The following C8orf76 variants were observed in gnomAD, a reference collection of about 807,000 sequenced individuals.
C8orf76 encodes the protein uncharacterized protein C8orf76.
Under a neutral mutation model 38.1 loss-of-function variants are expected in C8orf76, and 46 were observed. The ratio of observed to expected loss-of-function variants is 1.21; its 90% CI spans 0.95 to 1.54. C8orf76 has a LOEUF of 1.54. Among genes scored for constraint, C8orf76 ranks in the 40% most tolerant of loss-of-function variants. The pLI is 0.00. For missense variants in C8orf76, 461 were observed against 441.6 expected (o/e 1.04, Z -0.39); for synonymous variants, 166 against 167.5 (o/e 0.99, Z 0.07).
In C8orf76 at chr8:123,231,677, C is replaced by A. The variant is rs1825276038; in HGVS notation, c.438G>T (p.Leu146Phe). ...TCTGCAGGCAGAAAATTGTTTTCTC[C>A]AAGTTCTGCAAACTTGAACAAATAG... The part of the protein sequence containing the change: ...QLAICSSLQN[L>F]EKTIFCLQKL... The change falls in exon 4 of 6, where the codon TTG (leucine) becomes TTT (phenylalanine). Residue 146 changes from leucine (L) to phenylalanine (F), a missense_variant. By Grantham distance (22) the Leu-to-Phe change is conservative. Coordinates refer to ENST00000276704, the MANE Select transcript of C8orf76 (RefSeq NM_032847.3). 1 of 1,613,748 alleles carries A rather than the reference C, an allele frequency of 6.2e-7. No homozygotes were observed. Among genetic ancestry groups the A allele is most frequent in the Non-Finnish European group, 8.5e-7 (1 of 1,180,024 alleles).
rs1447388258 is a variant in C8orf76 at position 123,241,316 on chromosome 8, C to A, written c.31G>T (p.Glu11Ter). 4.5e-6 allele frequency: 7 copies of A among 1,571,516 alleles called. No individual in the cohort carries two copies. The highest frequency in any genetic ancestry group is 1.9e-5 in the Admixed American group (1 of 52,214). MDSGCWLFGG[E>*]FEDSVFEERP... ...TCCTCGAACACCGAGTCCTCGAACT[C>A]GCCGCCGAACAACCAGCACCCGGAA... Residue 11 changes from glutamate (E) to a stop codon, truncating the protein, a stop_gained, in exon 1 of 6, where the codon GAG becomes TAG. Transcript: ENST00000276704. LOFTEE classifies it high-confidence loss of function.
At chr8:123,224,768 G>A (rs1251403830) in intron 5 of C8orf76, among the ~76,000 whole-genome samples, 4 of 152,084 alleles carry the variant, frequency 2.6e-5, no homozygotes, top group African/African-American at 4.8e-5. Flanking sequence ...CAGATTTATC[G>A]AGCATGGTGA....
At chr8:123,226,334 A>G in intron 5 of C8orf76, 166 bp downstream of exon 5, 1 of 1,463,898 alleles carries the variant, frequency 6.8e-7, no homozygotes, top group East Asian at 2.5e-5. Context: ...GGGAATGCCG[A>G]TCAAGAGGCC....
rs770456030 is a variant in C8orf76, at chr8:123,220,127, A to G, written c.1119T>C (p.His373=). 6.2e-7 allele frequency: 1 copy of G among 1,611,544 alleles called. No homozygotes were observed. The highest frequency in any genetic ancestry group is 8.5e-7 in the Non-Finnish European group (1 of 1,179,220). ...ACTAAGCCAAGATTTGTATCTCTGT[A>G]TGGAACTGATTTTCAAATGGACAGA... ...DHFCPFENQF[H]TEIQILA Residue 373 remains histidine, a synonymous_variant, in exon 6 of 6, where the codon CAT becomes CAC. Coordinates refer to ENST00000276704, the MANE Select transcript of C8orf76 (RefSeq NM_032847.3).
chr8:123,232,869 C>T (rs142781257), intron 3 of C8orf76, among the ~76,000 whole-genome samples: 1 of 152,264 alleles, frequency 6.6e-6, no homozygotes, highest in East Asian at 1.9e-4. Context: ...AGCACAGCTC[C>T]TCGGCCATCA....
Position 123,231,303 on chromosome 8 carries a change from G to A in C8orf76, c.812C>T (p.Thr271Ile). The A allele has an allele frequency of 1.2e-6, 2 of 1,604,324 alleles. No homozygotes were observed. Among genetic ancestry groups the A allele is most frequent in the Non-Finnish European group, 1.7e-6 (2 of 1,175,274 alleles). ...GCTTAAGTGACTCTCAGCTTACCTG[G>A]TTCGTATAAAAGAGGCACATGCTTT... ...QLKACASFIR[T>I]RLLLQFTQPQ... Residue 271 changes from threonine (T) to isoleucine (I), a missense_variant, in exon 4 of 6, where the codon ACC (threonine) becomes ATC (isoleucine). Coordinates refer to ENST00000276704, the MANE Select transcript of C8orf76 (RefSeq NM_032847.3).
In C8orf76 at chr8:123,231,512, G is replaced by A. The variant is rs987716979; in HGVS notation, c.603C>T (p.Ile201=). The A allele has an allele frequency of 1.2e-6, 2 of 1,614,242 alleles. No homozygotes were observed. The highest frequency in any genetic ancestry group is 1.6e-4 in the Middle Eastern group (1 of 6,062). Residue 201 remains isoleucine (I), a synonymous_variant, in exon 4 of 6, where the codon ATC becomes ATT. Coordinates refer to ENST00000276704, the MANE Select transcript of C8orf76 (RefSeq NM_032847.3). ...QHSFTSSDKT[I]KSFFPHSGKD... ...TTCCTGAGTGTGGAAAGAAGGATTT[G>A]ATAGTTTTGTCACTTGAGGTGAAAC...
chr8:123,236,140 G>C (rs752491191), intron 3 of C8orf76, among the ~76,000 whole-genome samples: 10 of 152,192 alleles, frequency 6.6e-5, no homozygotes, highest in Non-Finnish European at 1.3e-4. Context: ...GCAAGAGGCT[G>C]AGGTCCTATG....
intron 4 of C8orf76, among the ~76,000 whole-genome samples, chr8:123,227,065 G>A (rs1015183558): frequency 6.6e-6 from 1 of 151,934 alleles, no homozygotes; most frequent in Non-Finnish European, 1.5e-5. Context: ...CTTCCATCTC[G>A]CTGACCCCAC....
chr8:123,221,598 G>A (rs1824896303), intron 5 of C8orf76, among the ~76,000 whole-genome samples: 1 of 152,172 alleles, frequency 6.6e-6, no homozygotes, highest in South Asian at 2.1e-4. Flanking sequence ...ACCATGCCCA[G>A]CTAATTTTTG....
intron 5 of C8orf76, among the ~76,000 whole-genome samples, chr8:123,220,846 GT>G (rs143826402): frequency 0.018 from 2,693 of 152,244 alleles, 90 homozygotes; most frequent in African/African-American, 0.062. Context: ...AAGATTCTGG[GT>G]TAGTTTCTTT....
At position 123,233,025 on chromosome 8, in the gene C8orf76, T is replaced by C. The variant is rs1288095109; in HGVS notation, c.358-1268A>G. On this transcript the variant is annotated intron_variant, in intron 3 of 5. Coordinates refer to ENST00000276704, the MANE Select transcript of C8orf76 (RefSeq NM_032847.3). ...ATAGGGCTTTATATTGTTCAAAAAC[T>C]TTTTTTTTTTTTGAGACAGAGTTTC... Among the ~76,000 whole-genome samples, 8 of 143,642 alleles carry C rather than the reference T, an allele frequency of 5.6e-5. No individual in the cohort carries two copies. The East Asian group carries it at 1.6e-3, about 28-fold the overall frequency. 94.2% of individuals were successfully genotyped at this position (143,642 alleles called of 152,430 possible). A position where few individuals can be genotyped will look rare whatever the true frequency, so the allele number is the denominator to read the frequency against.
chr8:123,228,747 A>G (rs1243053896), intron 4 of C8orf76, among the ~76,000 whole-genome samples: 1 of 152,224 alleles, frequency 6.6e-6, no homozygotes, highest in Non-Finnish European at 1.5e-5. Context: ...GACACCAAAC[A>G]TCTTGTGTTA....
intron 1 of C8orf76, among the ~76,000 whole-genome samples, chr8:123,240,596 G>A (rs1360344460): frequency 1.3e-5 from 2 of 152,186 alleles, no homozygotes; most frequent in East Asian, 1.9e-4. Context: ...CACTGCCAAG[G>A]GCATCAAGAA....
chr8:123,226,262 C>A, intron 5 of C8orf76: 1 of 1,354,654 alleles, frequency 7.4e-7, no homozygotes, highest in Non-Finnish European at 9.4e-7. Context: ...TTCAGGCAGG[C>A]AGGTGCTAAC....
intron 3 of C8orf76, among the ~76,000 whole-genome samples, chr8:123,233,882 G>A (rs1231556350): frequency 1.3e-5 from 2 of 151,950 alleles, no homozygotes; most frequent in Non-Finnish European, 2.9e-5. Context: ...CAAAAAATTA[G>A]CTAGGTGTGG....
In C8orf76 at chr8:123,231,570, G is replaced by T. The variant is rs1364198004; in HGVS notation, c.545C>A (p.Ser182Ter). ...EAYLNLGPAL[S>*]AALASSQKQH... Reference sequence around the variant, plus strand: ...TTTCTGAGATGACGCAAGTGCTGCTGAAAGAGCTGGCCCCAGATTCAGGTA... The same window carrying T: ...TTTCTGAGATGACGCAAGTGCTGCTTAAAGAGCTGGCCCCAGATTCAGGTA... The change falls in exon 4 of 6, where the codon TCA (serine) becomes TAA (stop). Residue 182 changes from serine to a stop codon, truncating the protein, a stop_gained. Coordinates refer to ENST00000276704, the MANE Select transcript of C8orf76 (RefSeq NM_032847.3). LOFTEE classifies it high-confidence loss of function. 6.2e-7 allele frequency: 1 copy of T among 1,614,244 alleles called. No homozygotes were observed. The highest frequency in any genetic ancestry group is 1.1e-5 in the South Asian group (1 of 91,078).
At chr8:123,223,724 A>ACTT (rs1305381596) in intron 5 of C8orf76, among the ~76,000 whole-genome samples, 1 of 152,250 alleles carries the variant, frequency 6.6e-6, no homozygotes, top group Non-Finnish European at 1.5e-5. Flanking sequence ...TCAAAAGATG[A>ACTT]GTAGATAAAC....
Position 123,231,284 on chromosome 8 carries a change from G to C in C8orf76, c.815+16C>G, listed in dbSNP as rs1241772459. The C allele has an allele frequency of 6.3e-7, 1 of 1,587,412 alleles. No homozygotes were observed. Among genetic ancestry groups the C allele is most frequent in the Non-Finnish European group, 8.6e-7 (1 of 1,168,512 alleles). The stretch of plus-strand genomic sequence containing the variant: ...GAGCTGATTACCAAGCGTTGCTTAA[G>C]TGACTCTCAGCTTACCTGGTTCGTA... On this transcript the variant is annotated intron_variant, in intron 4 of 5. Coordinates refer to ENST00000276704, the MANE Select transcript of C8orf76 (RefSeq NM_032847.3).
Sources: allele counts gnomAD v4.1 joint callset (sites outside exome capture counted in the v4.1 genomes callset), GRCh38; gene constraint gnomAD v4.1.1; transcripts MANE v1.5; gene names NCBI Gene and HGNC (gene_info 2026-07-23, HGNC 2026-07-21).